CTNNA3: variants seen among roughly 807,000 people sequenced by gnomAD.
CTNNA3 encodes catenin alpha-3.
CTNNA3 carries 76 observed loss-of-function variants against 95.7 expected under a neutral mutation model. The ratio of observed to expected loss-of-function variants is 0.79; its 90% confidence interval spans 0.66 to 0.96. CTNNA3 has a LOEUF of 0.96. Ranked by LOEUF, CTNNA3 falls within the 40% of genes least tolerant of loss-of-function variation. The pLI, the probability that CTNNA3 is intolerant of heterozygous loss-of-function variation, is 0.00. For synonymous variants in CTNNA3, 431 were observed against 374.4 expected (o/e 1.15, Z -1.74); for missense variants, 1,191 against 1,089.8 (o/e 1.09, Z -1.31).
At chr10:67,466,965 G>T (rs1847617648) in intron 5 of CTNNA3, among the ~76,000 whole-genome samples, 1 of 152,098 alleles carries the variant, frequency 6.6e-6, no homozygotes. Context: ...AAAACCAAAA[G>T]GCACACTGAA....
At chr10:66,550,371 T>G (rs1016947453) in intron 10 of CTNNA3, among the ~76,000 whole-genome samples, 1 of 152,206 alleles carries the variant, frequency 6.6e-6, no homozygotes, top group African/African-American at 2.4e-5. Flanking sequence ...TTTTATTTTA[T>G]CCACTTTGGC....
chr10:66,072,918 G>C (rs2080471360), intron 14 of CTNNA3, among the ~76,000 whole-genome samples: 1 of 152,048 alleles, frequency 6.6e-6, no homozygotes, highest in South Asian at 2.1e-4. Flanking sequence ...TATATACCTT[G>C]TGGAATACAT....
Position 66,246,880 on chromosome 10 carries a change from G to A in CTNNA3, c.1884+33590C>T, listed in dbSNP as rs1160133602. Among the ~76,000 whole-genome samples the A allele has an allele frequency of 7.3e-5, 11 of 151,684 alleles. No individual in the cohort carries two copies. In the South Asian group the frequency reaches 1.0e-3, roughly 14 times the overall value. On this transcript the variant is annotated intron_variant, in intron 13 of 17. Coordinates refer to ENST00000433211, the MANE Select transcript of CTNNA3 (RefSeq NM_013266.4). ...ATCCTGGCTAACACGGTGAAACCCCGTCTCTACTAAAAAACACAAAAAATT... is the reference window on the plus strand; with the variant it reads ...ATCCTGGCTAACACGGTGAAACCCCATCTCTACTAAAAAACACAAAAAATT...
intron 13 of CTNNA3, among the ~76,000 whole-genome samples, chr10:66,104,909 A>G (rs532960739): frequency 6.6e-6 from 1 of 152,320 alleles, no homozygotes; most frequent in African/African-American, 2.4e-5. Flanking sequence ...AGAGATGGGG[A>G]CATTTGATGA....
chr10:66,360,810 TTCCTTCCTTTCTTTCTTTC>T (rs2092663175), intron 12 of CTNNA3, among the ~76,000 whole-genome samples: 2 of 79,468 alleles, frequency 2.5e-5, no homozygotes, highest in African/African-American at 6.6e-5. Context: ...CCTTCCTTCC[TTCCTTCCTTTCTTTCTTTC>T]TTTCTTTCTT....
chr10:66,582,817 T>C (rs1016739742), intron 10 of CTNNA3, among the ~76,000 whole-genome samples: 1 of 151,832 alleles, frequency 6.6e-6, no homozygotes, highest in Non-Finnish European at 1.5e-5. Context: ...GTTTCTTCTA[T>C]GTCTAGTTTG....
chr10:67,552,397 A>G (rs1173053214), intron 3 of CTNNA3, among the ~76,000 whole-genome samples: 1 of 152,058 alleles, frequency 6.6e-6, no homozygotes, highest in Non-Finnish European at 1.5e-5. Flanking sequence ...GTACATGTGC[A>G]GGATGTACAG....
intron 10 of CTNNA3, among the ~76,000 whole-genome samples, chr10:66,569,591 T>G (rs1842808520): frequency 6.6e-6 from 1 of 152,164 alleles, no homozygotes; most frequent in African/African-American, 2.4e-5. Context: ...AAAATTATAA[T>G]AAGACATTAT....
intron 15 of CTNNA3, among the ~76,000 whole-genome samples, chr10:66,036,164 G>A (rs2079558932): frequency 6.6e-6 from 1 of 152,084 alleles, no homozygotes; most frequent in Non-Finnish European, 1.5e-5. Flanking sequence ...ACCAGCATAT[G>A]GATTTGTAAC....
chr10:67,292,061 C>T (rs1781911228), intron 5 of CTNNA3, among the ~76,000 whole-genome samples: 1 of 152,174 alleles, frequency 6.6e-6, no homozygotes, highest in East Asian at 1.9e-4. Context: ...TGTCTAGACT[C>T]TTCTTGGCCT....
chr10:67,416,735 A>G, intron 5 of CTNNA3, among the ~76,000 whole-genome samples: 1 of 152,160 alleles, frequency 6.6e-6, no homozygotes, highest in Non-Finnish European at 1.5e-5. Context: ...TGCAAGTCAA[A>G]ACCACAATGA....
At chr10:66,522,764 TC>T (rs34457176) in intron 10 of CTNNA3, among the ~76,000 whole-genome samples, 31,619 of 151,414 alleles carry the variant, frequency 0.21, 4,772 homozygotes, top group East Asian at 0.79. Context: ...CTAGATCCTG[TC>T]CACGCACGTT....
At chr10:66,038,030 A>G (rs2079603012) in intron 15 of CTNNA3, among the ~76,000 whole-genome samples, 1 of 152,210 alleles carries the variant, frequency 6.6e-6, no homozygotes, top group African/African-American at 2.4e-5. Context: ...AGCTCTACGC[A>G]TTGCTTTAAA....
chr10:67,498,393 CT>C (rs2133095716), intron 5 of CTNNA3, among the ~76,000 whole-genome samples: 1 of 152,210 alleles, frequency 6.6e-6, no homozygotes, highest in South Asian at 2.1e-4. Context: ...GTTCTTTTTG[CT>C]TAGAATTGTC....
At chr10:66,323,430 G>C (rs964256715) in intron 12 of CTNNA3, among the ~76,000 whole-genome samples, 1 of 151,744 alleles carries the variant, frequency 6.6e-6, no homozygotes, top group African/African-American at 2.4e-5. Context: ...GATCACCTGA[G>C]GTCAAGAGTT....
intron 7 of CTNNA3, among the ~76,000 whole-genome samples, chr10:66,860,902 A>C (rs1843894849): frequency 6.6e-6 from 1 of 152,184 alleles, no homozygotes; most frequent in African/African-American, 2.4e-5. Context: ...AAGCTGGATA[A>C]ATGGCCCACC....
At chr10:66,925,928 G>A (rs1206965034) in intron 7 of CTNNA3, 2 of 439,500 alleles carry the variant, frequency 4.6e-6, no homozygotes, top group African/African-American at 2.0e-5. Flanking sequence ...TTCCAGCAGA[G>A]AGCCTGCTCA....
chr10:66,061,216 C>T (rs2080192121), intron 15 of CTNNA3, among the ~76,000 whole-genome samples: 3 of 152,092 alleles, frequency 2.0e-5, no homozygotes, highest in Non-Finnish European at 4.4e-5. Flanking sequence ...ACAGAGATGC[C>T]TTGCTGCATT....
intron 5 of CTNNA3, among the ~76,000 whole-genome samples, chr10:67,482,245 T>A (rs572282037): frequency 1.4e-3 from 212 of 151,848 alleles, no homozygotes; most frequent in African/African-American, 4.6e-3. Flanking sequence ...CTTTTTTGGT[T>A]CCATATGAAC....
Sources: allele counts gnomAD v4.1 joint callset (sites outside exome capture counted in the v4.1 genomes callset), GRCh38; gene constraint gnomAD v4.1.1; transcripts MANE v1.5; gene names NCBI Gene and HGNC (gene_info 2026-07-23, HGNC 2026-07-21).